Variants in PLXDC2 observed in about 807,000 individuals in gnomAD.
The protein encoded by PLXDC2 is plexin domain-containing protein 2.
Under a neutral mutation model 68.9 loss-of-function variants are expected in PLXDC2, and 40 were observed. That is an observed-to-expected ratio of 0.58 (90% CI 0.45 to 0.76). The LOEUF (loss-of-function observed/expected upper bound fraction) is 0.76. Ranked by LOEUF, PLXDC2 falls within the 30% of genes least tolerant of loss-of-function variation. PLXDC2 has a pLI of 0.00. For synonymous variants in PLXDC2, 243 were observed against 234.2 expected (o/e 1.04, Z -0.34); for missense variants, 644 against 661.9 (o/e 0.97, Z 0.30).
chr10:19,921,932 A>G (rs954063298), intron 1 of PLXDC2, among the ~76,000 whole-genome samples: 2 of 152,232 alleles, frequency 1.3e-5, no homozygotes, highest in Non-Finnish European at 2.9e-5. Flanking sequence ...ATCTTGGCTC[A>G]TTGTAACCTC....
At chr10:20,044,291 TTCTTCTTTCTCTCTC>T in intron 2 of PLXDC2, among the ~76,000 whole-genome samples, 1 of 131,824 alleles carries the variant, frequency 7.6e-6, no homozygotes, top group African/African-American at 2.9e-5. Context: ...CTTTCTTTCT[TTCTTCTTTCTCTCTC>T]TCTCTTTCTT....
intron 3 of PLXDC2, among the ~76,000 whole-genome samples, chr10:20,052,010 G>A (rs567770575): frequency 2.6e-5 from 4 of 151,520 alleles, no homozygotes; most frequent in Admixed American, 6.6e-5. Context: ...TATCTACTTT[G>A]TTATCACTCT....
intron 1 of PLXDC2, among the ~76,000 whole-genome samples, chr10:19,920,123 C>T (rs1215568563): frequency 2.0e-5 from 3 of 152,176 alleles, no homozygotes; most frequent in African/African-American, 7.2e-5. Flanking sequence ...CCTGCTAATT[C>T]CCAACCGTGA....
chr10:19,843,081 A>G (rs1221939229), intron 1 of PLXDC2, among the ~76,000 whole-genome samples: 1 of 151,960 alleles, frequency 6.6e-6, no homozygotes, highest in Non-Finnish European at 1.5e-5. Flanking sequence ...TATAAAATTT[A>G]CCGGACCCCT....
intron 1 of PLXDC2, among the ~76,000 whole-genome samples, chr10:19,910,925 C>T (rs1468640800): frequency 6.6e-6 from 1 of 152,050 alleles, no homozygotes; most frequent in Non-Finnish European, 1.5e-5. Flanking sequence ...CAGAGAATCG[C>T]TTGAACCTGG....
At chr10:20,230,213 A>C (rs1445678880) in intron 12 of PLXDC2, among the ~76,000 whole-genome samples, 1 of 152,236 alleles carries the variant, frequency 6.6e-6, no homozygotes, top group Non-Finnish European at 1.5e-5. Context: ...ATGTATGTGA[A>C]AAATAAAGAC....
chr10:20,203,325 C>G (rs1044739625), intron 9 of PLXDC2, among the ~76,000 whole-genome samples: 2 of 148,562 alleles, frequency 1.3e-5, no homozygotes, highest in African/African-American at 5.0e-5. Context: ...GAGTCTCACT[C>G]TGTTGGCCAG....
rs764323178 is a variant in PLXDC2 at position 20,217,672 on chromosome 10, C to T, written c.1273+96C>T. The T allele has an allele frequency of 3.6e-5, 48 of 1,347,732 alleles. 1 individual carries two copies. The highest frequency in any genetic ancestry group is 5.5e-4 in the Middle Eastern group (2 of 3,640). The allele number at this position is 1,347,732 out of a possible 1,614,324, so 83.5% of individuals were successfully genotyped here. A position where few individuals can be genotyped will look rare whatever the true frequency, so the allele number is the denominator to read the frequency against. On this transcript the variant is annotated intron_variant, in intron 11 of 13. Coordinates refer to ENST00000377252, the MANE Select transcript of PLXDC2 (RefSeq NM_032812.9). Reference sequence around the variant, plus strand: ...TGTGTTGACATGTACTGGAATAGCTCCTACTCTCTAGGTCTCTCTAAAGTT... The same window carrying T: ...TGTGTTGACATGTACTGGAATAGCTTCTACTCTCTAGGTCTCTCTAAAGTT...
At chr10:20,055,007 T>C (rs1835971599) in intron 3 of PLXDC2, among the ~76,000 whole-genome samples, 1 of 152,156 alleles carries the variant, frequency 6.6e-6, no homozygotes, top group Non-Finnish European at 1.5e-5. Context: ...TTAAATATTT[T>C]TTTATCTTTC....
At chr10:19,937,564 A>ATATATATATATATATATATATT (rs1833746556) in intron 1 of PLXDC2, among the ~76,000 whole-genome samples, 2 of 140,564 alleles carry the variant, frequency 1.4e-5, no homozygotes, top group African/African-American at 5.4e-5. Context: ...ATATATATAT[A>ATATATATATATATATATATATT]TATATATATA....
intron 4 of PLXDC2, among the ~76,000 whole-genome samples, chr10:20,136,689 T>C (rs2358848): frequency 0.037 from 5,636 of 152,318 alleles, 131 homozygotes; most frequent in South Asian, 0.067. Flanking sequence ...ATAACAAAGA[T>C]GACATATACC....
chr10:20,059,781 A>T lies in PLXDC2; in HGVS notation c.472-8389A>T, dbSNP rs536440903. ...GTATGAGAATGGTTAAAATCCCTTT[A>T]AAAAAAAATTCTACATGGTAAAAGC... On this transcript the variant is annotated intron_variant, in intron 3 of 13. Coordinates refer to ENST00000377252, the MANE Select transcript of PLXDC2 (RefSeq NM_032812.9). Among the ~76,000 whole-genome samples, 59 of 123,734 alleles carry T rather than the reference A, an allele frequency of 4.8e-4. 1 individual carries two copies. The South Asian group carries it at 0.012, about 26-fold the overall frequency. The allele number at this position is 123,734 out of a possible 152,430, so 81.2% of individuals were successfully genotyped here.
chr10:19,928,345 G>C (rs916256717), intron 1 of PLXDC2, among the ~76,000 whole-genome samples: 1 of 152,146 alleles, frequency 6.6e-6, no homozygotes. Context: ...CTTTAGGTCT[G>C]GGGGAGAAAG....
intron 12 of PLXDC2, among the ~76,000 whole-genome samples, chr10:20,227,664 G>A (rs1274790312): frequency 6.6e-6 from 1 of 152,096 alleles, no homozygotes; most frequent in Non-Finnish European, 1.5e-5. Flanking sequence ...TTTACGCCAG[G>A]CAATGGGGTT....
At chr10:19,827,031 T>G (rs1448756033) in intron 1 of PLXDC2, among the ~76,000 whole-genome samples, 8 of 152,238 alleles carry the variant, frequency 5.3e-5, no homozygotes. Flanking sequence ...CCATGGATAA[T>G]TAGTGCTCTT....
intron 4 of PLXDC2, among the ~76,000 whole-genome samples, chr10:20,137,273 A>T (rs1271460132): frequency 6.6e-6 from 1 of 152,204 alleles, no homozygotes; most frequent in Non-Finnish European, 1.5e-5. Context: ...TTCGTCTTGT[A>T]GTACTGACTC....
chr10:20,013,649 T>G lies in PLXDC2; in HGVS notation c.324+11663T>G, dbSNP rs562002897. 2.6e-4 allele frequency among the ~76,000 whole-genome samples: 40 copies of G among 152,324 alleles called. No individual in the cohort carries two copies. In the East Asian group the frequency reaches 7.1e-3, roughly 27 times the overall value. On this transcript the variant is annotated intron_variant, in intron 2 of 13. Coordinates refer to ENST00000377252, the MANE Select transcript of PLXDC2 (RefSeq NM_032812.9). The stretch of plus-strand genomic sequence containing the variant: ...TAAAAGCTAATTTAAAATTCTATGC[T>G]CTGAAAATGTTTACAAGGTATCTCA...
intron 12 of PLXDC2, among the ~76,000 whole-genome samples, chr10:20,245,086 C>T (rs1421771875): frequency 6.6e-6 from 1 of 152,144 alleles, no homozygotes; most frequent in African/African-American, 2.4e-5. Context: ...TGCACTCTAG[C>T]CTGGGCAACA....
intron 4 of PLXDC2, among the ~76,000 whole-genome samples, chr10:20,134,854 C>A (rs2131780052): frequency 6.6e-6 from 1 of 152,214 alleles, no homozygotes; most frequent in South Asian, 2.1e-4. Flanking sequence ...TCTCTATGAG[C>A]CTGCCTGAAG....
Sources: allele counts gnomAD v4.1 joint callset (sites outside exome capture counted in the v4.1 genomes callset), GRCh38; gene constraint gnomAD v4.1.1; transcripts MANE v1.5; gene names NCBI Gene and HGNC (gene_info 2026-07-23, HGNC 2026-07-21).